JAKMIP1: variants seen among roughly 807,000 people sequenced by gnomAD.
The protein encoded by JAKMIP1 is janus kinase and microtubule interacting protein 1.
JAKMIP1 carries 33 observed loss-of-function variants against 113.0 expected under a neutral mutation model. The observed-to-expected ratio is 0.29, with a 90% CI of 0.22 to 0.39. JAKMIP1 has a LOEUF of 0.39. JAKMIP1 is among the 10% of genes least tolerant of loss of function. The pLI is 1.00. For synonymous variants in JAKMIP1, 480 were observed against 459.9 expected (o/e 1.04, Z -0.56); for missense variants, 813 against 1,080.5 (o/e 0.75, Z 3.47).
intron 1 of JAKMIP1, among the ~76,000 whole-genome samples, chr4:6,118,786 G>A (rs957222720): frequency 2.6e-5 from 4 of 152,170 alleles, no homozygotes; most frequent in Non-Finnish European, 5.9e-5. Flanking sequence ...TGGCCAATGA[G>A]GGCTGAGGCG....
intron 1 of JAKMIP1, among the ~76,000 whole-genome samples, chr4:6,114,370 A>G (rs10212632): frequency 0.32 from 48,464 of 152,108 alleles, 8,172 homozygotes; most frequent in African/African-American, 0.38. Context: ...GAAGCTGGAC[A>G]TTGGATTTGG....
At chr4:6,119,056 G>T (rs1716302108) in intron 1 of JAKMIP1, among the ~76,000 whole-genome samples, 1 of 152,146 alleles carries the variant, frequency 6.6e-6, no homozygotes. Context: ...GGAAGCCCAG[G>T]ACAGCCGACA....
chr4:6,114,853 C>G (rs953980127), intron 1 of JAKMIP1, among the ~76,000 whole-genome samples: 2 of 152,240 alleles, frequency 1.3e-5, no homozygotes, highest in African/African-American at 4.8e-5. Flanking sequence ...GTGCACCTCC[C>G]CATGCCCTGA....
At chr4:6,173,034 C>T (rs188440696) in intron 1 of JAKMIP1, among the ~76,000 whole-genome samples, 3 of 152,144 alleles carry the variant, frequency 2.0e-5, no homozygotes, top group Non-Finnish European at 2.9e-5. Context: ...GAGGCTAACC[C>T]GATTAACAAA....
intron 19 of JAKMIP1, among the ~76,000 whole-genome samples, chr4:6,033,960 C>A (rs1291112690): frequency 6.6e-6 from 1 of 152,122 alleles, no homozygotes; most frequent in Non-Finnish European, 1.5e-5. Context: ...TGGGCCTGGC[C>A]TGGAAGGGTC....
intron 3 of JAKMIP1, among the ~76,000 whole-genome samples, chr4:6,102,832 C>G (rs1445361342): frequency 7.1e-6 from 1 of 141,132 alleles, no homozygotes; most frequent in Admixed American, 7.4e-5. Flanking sequence ...CTCCCAGGTT[C>G]ACACCATTCT....
Position 6,129,632 on chromosome 4 carries a change from A to G in JAKMIP1, c.-147-16635T>C, listed in dbSNP as rs916746826. Among the ~76,000 whole-genome samples, 3 of 151,994 alleles carry G rather than the reference A, an allele frequency of 2.0e-5. No homozygotes were observed. The highest frequency in any genetic ancestry group is 2.9e-5 in the Non-Finnish European group (2 of 67,978). On this transcript the variant is annotated intron_variant, in intron 1 of 20. Transcript: ENST00000409021. This position sits in a 1 kb window ranked among gnomAD's most constrained non-coding sequence, Gnocchi z 5.4. Reference sequence around the variant, plus strand: ...ATTCCTGCTGAAAGTTCCTTTGTCCAGACCCCCACTCAGCTGCCGTTCTCA... The same window carrying G: ...ATTCCTGCTGAAAGTTCCTTTGTCCGGACCCCCACTCAGCTGCCGTTCTCA...
Position 6,186,860 on chromosome 4 carries a change from C to T in JAKMIP1, c.-148+13393G>A, listed in dbSNP as rs1726709354. Among the ~76,000 whole-genome samples the T allele has an allele frequency of 6.6e-6, 1 of 152,184 alleles. No individual in the cohort carries two copies. The highest frequency in any genetic ancestry group is 2.1e-4 in the South Asian group (1 of 4,820). ...TTTGTTTGTTTGAGACAGTCTCTCA[C>T]TCTGTCACCCAAGCTGGAGTGCAGT... On this transcript the variant is annotated intron_variant, in intron 1 of 20. Coordinates refer to ENST00000409021, the MANE Select transcript of JAKMIP1 (RefSeq NM_001099433.2). This position sits in a 1 kb window ranked among gnomAD's most constrained non-coding sequence, Gnocchi z 5.5.
At chr4:6,122,066 C>T (rs905150392) in intron 1 of JAKMIP1, among the ~76,000 whole-genome samples, 5 of 152,150 alleles carry the variant, frequency 3.3e-5, no homozygotes, top group East Asian at 1.9e-4. Flanking sequence ...TAGACAGGGC[C>T]GGATGCAGTG....
At chr4:6,028,981 G>A (rs989362742) in intron 20 of JAKMIP1, among the ~76,000 whole-genome samples, 1 of 152,228 alleles carries the variant, frequency 6.6e-6, no homozygotes, top group Non-Finnish European at 1.5e-5. Flanking sequence ...TGTCCTCAAG[G>A]ACTCACAGCC....
At chr4:6,170,510 C>T (rs1244267160) in intron 1 of JAKMIP1, among the ~76,000 whole-genome samples, 3 of 148,400 alleles carry the variant, frequency 2.0e-5, no homozygotes, top group Non-Finnish European at 4.5e-5. Context: ...TCTATCACCA[C>T]CACCATCACC....
rs1178412460 is a variant in JAKMIP1, at chr4:6,097,742, T to A, written c.624+7731A>T. On this transcript the variant is annotated intron_variant, in intron 3 of 20. Transcript: ENST00000409021. The surrounding 1 kb of genome is among the most constrained non-coding windows in gnomAD (Gnocchi z 4.3). Reference sequence around the variant, plus strand: ...CAATAAGAAGCGTTCATTCTCATCATCATTTGACAAATGGTGTGAGTCAAC... The same window carrying A: ...CAATAAGAAGCGTTCATTCTCATCAACATTTGACAAATGGTGTGAGTCAAC... Among the ~76,000 whole-genome samples the A allele has an allele frequency of 6.6e-6, 1 of 152,232 alleles. No individual in the cohort carries two copies. The highest frequency in any genetic ancestry group is 1.5e-5 in the Non-Finnish European group (1 of 68,038).
At position 6,157,459 on chromosome 4, in the gene JAKMIP1, A is replaced by G. The variant is rs529455326; in HGVS notation, c.-148+42794T>C. ...ATTTGTGATATTTAGGAAGCTACAA[A>G]TTATAGATATAAGAATCTTCAAATT... On this transcript the variant is annotated intron_variant, in intron 1 of 20. Transcript: ENST00000409021. The surrounding 1 kb of genome is among the most constrained non-coding windows in gnomAD (Gnocchi z 4.7). 2.0e-5 allele frequency among the ~76,000 whole-genome samples: 3 copies of G among 152,342 alleles called. No homozygotes were observed. The East Asian group carries it at 5.8e-4, about 29-fold the overall frequency.
intron 18 of JAKMIP1, among the ~76,000 whole-genome samples, chr4:6,039,455 C>T (rs1032454301): frequency 2.0e-5 from 3 of 152,154 alleles, no homozygotes; most frequent in Non-Finnish European, 4.4e-5. Flanking sequence ...CATCTAAAAT[C>T]ACATTCCTTG....
intron 19 of JAKMIP1, among the ~76,000 whole-genome samples, chr4:6,033,567 C>A (rs1713018018): frequency 6.6e-6 from 1 of 152,134 alleles, no homozygotes. Flanking sequence ...GTTGATTGTA[C>A]CCATTCTACA....
At position 6,059,668 on chromosome 4, in the gene JAKMIP1, GC is replaced by G. The variant is rs1346216207; in HGVS notation, c.1644+755del. On this transcript the variant is annotated intron_variant, in intron 11 of 20. Coordinates refer to ENST00000409021, the MANE Select transcript of JAKMIP1 (RefSeq NM_001099433.2). This position sits in a 1 kb window ranked among gnomAD's most constrained non-coding sequence, Gnocchi z 4.8. ...GATGGGGCAGTTCCAAGATGGTGGT[GC>G]CCCCCTCCCTGAATCCCTGAGAGGC... Among the ~76,000 whole-genome samples, 10 of 152,056 alleles carry G rather than the reference GC, an allele frequency of 6.6e-5. No individual in the cohort carries two copies. The highest frequency in any genetic ancestry group is 2.1e-4 in the South Asian group (1 of 4,826).
intron 11 of JAKMIP1, 84 bp downstream of exon 11, chr4:6,060,340 C>T: frequency 9.7e-7 from 1 of 1,034,034 alleles, no homozygotes; most frequent in Non-Finnish European, 1.5e-6. Context: ...AGAATGTCCC[C>T]CTTGGCACAA....
chr4:6,028,755 C>T (rs989059104), intron 20 of JAKMIP1, among the ~76,000 whole-genome samples: 14 of 152,220 alleles, frequency 9.2e-5, no homozygotes, highest in Admixed American at 6.5e-4. Context: ...ACCCCCTCTT[C>T]GAGCACAGGC....
At chr4:6,082,367 C>G (rs1720694685) in intron 5 of JAKMIP1, among the ~76,000 whole-genome samples, 1 of 151,722 alleles carries the variant, frequency 6.6e-6, no homozygotes. Context: ...TTCTAGAAAC[C>G]TACCGCCCCC....
Sources: gnomAD v4.1 joint callset for allele counts (sites outside exome capture counted in the v4.1 genomes callset) on GRCh38, gnomAD v4.1.1 for gene constraint, Gnocchi (gnomAD v3.1) non-coding constraint, MANE v1.5 for transcripts, NCBI Gene and HGNC (gene_info 2026-07-23, HGNC 2026-07-21) for gene names.